Variants in NDST3 observed in about 807,000 individuals in gnomAD.
NDST3 encodes the protein bifunctional heparan sulfate N-deacetylase/N-sulfotransferase 3.
Under a neutral mutation model 96.1 loss-of-function variants are expected in NDST3, and 58 were observed. The observed-to-expected ratio is 0.60, with a 90% CI of 0.49 to 0.75. The LOEUF is 0.75. NDST3 is among the 30% of genes least tolerant of loss of function. NDST3 has a pLI of 0.00. For synonymous variants in NDST3, 333 were observed against 359.7 expected (o/e 0.93, Z 0.84); for missense variants, 788 against 1,034.2 (o/e 0.76, Z 3.27).
chr4:118,254,210 G>A (rs182550753), intron 13 of NDST3, among the ~76,000 whole-genome samples: 85 of 148,090 alleles, frequency 5.7e-4, no homozygotes, highest in Middle Eastern at 3.4e-3. Flanking sequence ...GCACCATTGC[G>A]CTCCAGCCTG....
At chr4:118,171,170 C>T (rs1578763144) in intron 6 of NDST3, among the ~76,000 whole-genome samples, 1 of 152,176 alleles carries the variant, frequency 6.6e-6, no homozygotes, top group Non-Finnish European at 1.5e-5. Flanking sequence ...GACCTCAAGT[C>T]CCTGCCTACT....
chr4:118,055,614 T>C (rs1285918104), intron 2 of NDST3: 1 of 151,992 alleles, frequency 6.6e-6, no homozygotes, highest in Non-Finnish European at 1.5e-5. Flanking sequence ...CATAAACAGC[T>C]GATTGTTTAC....
chr4:118,140,739 C>T (rs376723800), intron 5 of NDST3, among the ~76,000 whole-genome samples: 21 of 152,252 alleles, frequency 1.4e-4, no homozygotes, highest in Middle Eastern at 3.4e-3. Flanking sequence ...CAGAGCAAAC[C>T]GGGAAGAGCC....
At chr4:118,216,832 T>A (rs557738522) in intron 6 of NDST3, among the ~76,000 whole-genome samples, 16 of 152,026 alleles carry the variant, frequency 1.1e-4, no homozygotes, top group Non-Finnish European at 1.8e-4. Context: ...ATGAGTGGCA[T>A]TGAAAAAATA....
chr4:118,100,071 A>T (rs1442397567), intron 2 of NDST3, among the ~76,000 whole-genome samples: 1 of 152,062 alleles, frequency 6.6e-6, no homozygotes, highest in East Asian at 1.9e-4. Context: ...TATAGCTGCT[A>T]CAACATGATT....
chr4:118,118,836 G>A (rs932806894), intron 4 of NDST3, among the ~76,000 whole-genome samples: 3 of 152,046 alleles, frequency 2.0e-5, no homozygotes, highest in African/African-American at 7.2e-5. Flanking sequence ...ACTGTACAGT[G>A]TGTAAAATAG....
At chr4:118,210,774 C>CAAA (rs34418586) in intron 6 of NDST3, among the ~76,000 whole-genome samples, 10 of 86,592 alleles carry the variant, frequency 1.2e-4, no homozygotes, top group African/African-American at 4.3e-4. Flanking sequence ...GACTCCATCT[C>CAAA]AAAAAAAAAA....
chr4:118,070,784 C>T (rs776952848), intron 2 of NDST3, among the ~76,000 whole-genome samples: 8 of 152,028 alleles, frequency 5.3e-5, no homozygotes, highest in Non-Finnish European at 8.8e-5. Flanking sequence ...TCTCCTAATG[C>T]TATCCCTCCC....
chr4:118,074,137 G>T (rs1727304293), intron 2 of NDST3, among the ~76,000 whole-genome samples: 1 of 152,090 alleles, frequency 6.6e-6, no homozygotes, highest in Admixed American at 6.6e-5. Flanking sequence ...TGATCTGACA[G>T]TTTGGTTGGT....
At chr4:118,131,422 T>C (rs1201003358) in intron 4 of NDST3, among the ~76,000 whole-genome samples, 1 of 151,912 alleles carries the variant, frequency 6.6e-6, no homozygotes, top group East Asian at 1.9e-4. Context: ...TTTTCAACTC[T>C]AGAATTTCTG....
intron 3 of NDST3, among the ~76,000 whole-genome samples, chr4:118,114,072 A>G (rs1578662936): frequency 6.6e-6 from 1 of 152,228 alleles, no homozygotes; most frequent in East Asian, 1.9e-4. Context: ...AAGAAACAAC[A>G]ACAGGGCTGA....
chr4:118,085,749 G>A (rs775508080), intron 2 of NDST3, among the ~76,000 whole-genome samples: 14 of 151,986 alleles, frequency 9.2e-5, no homozygotes, highest in Non-Finnish European at 1.6e-4. Context: ...AAAATTTTTA[G>A]AGGAAAAAAA....
At chr4:118,143,463 T>A (rs1733710438) in intron 5 of NDST3, 93 bp from the exon 6 acceptor site, 1 of 1,323,892 alleles carries the variant, frequency 7.6e-7, no homozygotes, top group Admixed American at 2.3e-5. Flanking sequence ...ATTCACTAGC[T>A]TGTGCATCAT....
chr4:118,146,478 C>T (rs1733955630), intron 6 of NDST3, among the ~76,000 whole-genome samples: 1 of 152,164 alleles, frequency 6.6e-6, no homozygotes. Context: ...GCTATACTAA[C>T]TTACCAGTAC....
intron 4 of NDST3, among the ~76,000 whole-genome samples, chr4:118,135,077 A>G (rs1309596714): frequency 6.6e-6 from 1 of 152,150 alleles, no homozygotes; most frequent in Non-Finnish European, 1.5e-5. Flanking sequence ...CTTAACCCAA[A>G]CTTTTCTATA....
chr4:118,180,039 T>C (rs983307383), intron 6 of NDST3, among the ~76,000 whole-genome samples: 2 of 151,868 alleles, frequency 1.3e-5, no homozygotes, highest in Admixed American at 6.6e-5. Flanking sequence ...AGGGTGAAAA[T>C]AGAGGGGGAG....
At position 118,235,685 on chromosome 4, in the gene NDST3, A is replaced by T. The variant is rs1375584779; in HGVS notation, c.1944-1361A>T. Among the ~76,000 whole-genome samples the T allele has an allele frequency of 2.0e-5, 3 of 152,330 alleles. No homozygotes were observed. In the East Asian group the frequency reaches 5.8e-4, roughly 29 times the overall value. On this transcript the variant is annotated intron_variant, in intron 9 of 13. Coordinates refer to ENST00000296499, the MANE Select transcript of NDST3 (RefSeq NM_004784.3). ...TTGAAATAATCTTAGCACTCCTGGA[A>T]CCAGTGTGAGCTTCTACATAAGAAG...
chr4:118,257,879 C>G lies in NDST3; in HGVS notation c.*2167C>G, dbSNP rs966826077. The G allele has an allele frequency of 2.0e-5, 3 of 152,158 alleles. No homozygotes were observed. In the East Asian group the frequency reaches 5.8e-4, roughly 29 times the overall value. 9.4% of individuals were successfully genotyped at this position (152,158 alleles called of 1,614,324 possible). On this transcript the variant is annotated 3_prime_UTR_variant, in exon 14 of 14. Transcript: ENST00000296499. ...GATGCCAGACATGCTAGGAAAATTACTATAGTCTTCCATCTCCACCAACTT... is the reference window on the plus strand; with the variant it reads ...GATGCCAGACATGCTAGGAAAATTAGTATAGTCTTCCATCTCCACCAACTT...
At chr4:118,142,801 G>C (rs1286353843) in intron 5 of NDST3, among the ~76,000 whole-genome samples, 1 of 152,066 alleles carries the variant, frequency 6.6e-6, no homozygotes, top group African/African-American at 2.4e-5. Context: ...ATTGCAAAAG[G>C]CTATAAAAAT....
Sources: allele counts gnomAD v4.1 joint callset (sites outside exome capture counted in the v4.1 genomes callset), GRCh38; gene constraint gnomAD v4.1.1; transcripts MANE v1.5; gene names NCBI Gene and HGNC (gene_info 2026-07-23, HGNC 2026-07-21).